Variants in FOXP3 observed in about 807,000 individuals in gnomAD.
FOXP3 encodes forkhead box P3.
In FOXP3, 5 loss-of-function variants were observed where a neutral mutation model predicts 31.2. The observed-to-expected ratio is 0.16, with a 90% CI of 0.08 to 0.34. The LOEUF is 0.34. FOXP3 is among the 10% of genes least tolerant of loss of function. The pLI is 1.00. For synonymous variants in FOXP3, 141 were observed against 148.8 expected, an observed-to-expected ratio of 0.95 and a Z score of 0.38; for missense variants, 251 against 363.0, an observed-to-expected ratio of 0.69 and a Z score of 2.51.
chrX:49,251,372 T>C lies in FOXP3; in HGVS notation c.1258A>G (p.Arg420Gly). Residue 420 changes from arginine to glycine, a missense_variant, in exon 12 of 12, where the codon AGG (arginine) becomes GGG (glycine). Transcript: ENST00000376207. ...ELEFRKKRSQ[R>G]PSRCSNPTPG... Reference sequence around the variant, plus strand: ...GTAGGGTTGGAACACCTGCTGGGCCTCTGGCTCCGTTTCTTGCGGAACTCC... The same window carrying C: ...GTAGGGTTGGAACACCTGCTGGGCCCCTGGCTCCGTTTCTTGCGGAACTCC... 2.5e-6 allele frequency: 3 copies of C among 1,211,139 alleles called. No individual in the cohort carries two copies. The highest frequency in any genetic ancestry group is 3.4e-6 in the Non-Finnish European group (3 of 895,170).
intron 1 of FOXP3, among the ~76,000 whole-genome samples, chrX:49,263,741 G>T (rs1557117465): frequency 8.9e-6 from 1 of 111,900 alleles, no homozygotes; most frequent in African/African-American, 3.3e-5. Flanking sequence ...GCTCACCCCA[G>T]CCCTGAACAA....
At position 49,255,438 on chromosome X, in the gene FOXP3, A is replaced by G; in HGVS notation, c.807T>C (p.Ala269=). ...HLAGKMALTK[A]SSVASSDKGS... ...TCCTGGGGTCGCTCACCACAGATGA[A>G]GCCTTGGTCAGTGCCATTTTCCCAG... The change falls in exon 8 of 12, where the codon GCT becomes GCC. Residue 269 remains alanine (A), a synonymous_variant. Coordinates refer to ENST00000376207, the MANE Select transcript of FOXP3 (RefSeq NM_014009.4). 8.3e-7 allele frequency: 1 copy of G among 1,203,358 alleles called. No individual in the cohort carries two copies. The highest frequency in any genetic ancestry group is 1.1e-6 in the Non-Finnish European group (1 of 891,052).
chrX:49,255,002 G>A (rs1557116070), intron 8 of FOXP3, among the ~76,000 whole-genome samples: 1 of 105,209 alleles, frequency 9.5e-6, no homozygotes, highest in Non-Finnish European at 1.9e-5. Context: ...AGGCTGGAGT[G>A]CAGTGGTATG....
chrX:49,261,866 C>T (rs931019691), intron 1 of FOXP3, among the ~76,000 whole-genome samples: 2 of 112,001 alleles, frequency 1.8e-5, no homozygotes, highest in Non-Finnish European at 3.8e-5. Flanking sequence ...CGCTGCATTT[C>T]GGTGAGGCCC....
chrX:49,253,150 G>A lies in FOXP3; in HGVS notation c.1020C>T (p.Phe340=). The A allele has an allele frequency of 8.3e-7, 1 of 1,210,132 alleles. No homozygotes were observed. The highest frequency in any genetic ancestry group is 1.1e-6 in the Non-Finnish European group (1 of 894,698). Residue 340 remains phenylalanine (F), a synonymous_variant, in exon 10 of 12, where the codon TTC becomes TTT. Transcript: ENST00000376207. ...CCCAGCGGATGAGCGTGGCGTAGGT[G>A]AAAGGGGGTCGCATGTTGTGGAACT... ...YFKFHNMRPP[F]TYATLIRWAI...
chrX:49,256,436 A>G (rs1278941192), intron 6 of FOXP3, among the ~76,000 whole-genome samples: 3 of 110,729 alleles, frequency 2.7e-5, no homozygotes, highest in African/African-American at 9.9e-5. Flanking sequence ...CAGCTCTGTC[A>G]CTCAGGAACT....
intron 9 of FOXP3, 92 bp from the exon 10 acceptor site, chrX:49,253,294 A>C: frequency 5.4e-6 from 4 of 738,289 alleles, no homozygotes; most frequent in Non-Finnish European, 8.3e-6. Context: ...TACAGGCCTG[A>C]GATCTCACCG....
chrX:49,251,834 C>G (rs2066034677), intron 10 of FOXP3, 69 bp from the exon 11 acceptor site: 3 of 1,172,511 alleles, frequency 2.6e-6, no homozygotes, highest in Non-Finnish European at 3.4e-6. Context: ...TATGACCTAC[C>G]CCGAGCCATC....
chrX:49,255,805 A>G lies in FOXP3; in HGVS notation c.648-3T>C. 8.4e-7 allele frequency: 1 copy of G among 1,197,282 alleles called. No homozygotes were observed. The highest frequency in any genetic ancestry group is 1.7e-5 in the African/African-American group (1 of 57,462). ...GAAGATGGTCCGCCTGGCAGTGCCTAAGTAGGGAGAAGATTCCATGCAGGT... is the reference window on the plus strand; with the variant it reads ...GAAGATGGTCCGCCTGGCAGTGCCTGAGTAGGGAGAAGATTCCATGCAGGT... On this transcript the variant is annotated splice_region_variant and splice_polypyrimidine_tract_variant and intron_variant, in intron 6 of 11. Coordinates refer to ENST00000376207, the MANE Select transcript of FOXP3 (RefSeq NM_014009.4).
intron 6 of FOXP3, among the ~76,000 whole-genome samples, 185 bp downstream of exon 6, chrX:49,256,566 A>G (rs782363918): frequency 8.9e-6 from 1 of 112,510 alleles, no homozygotes; most frequent in South Asian, 3.7e-4. Context: ...GGTCGAGAGA[A>G]GCTAAGTAAT....
intron 10 of FOXP3, among the ~76,000 whole-genome samples, chrX:49,252,817 C>T (rs1408605905): frequency 9.1e-6 from 1 of 109,571 alleles, no homozygotes; most frequent in African/African-American, 3.3e-5. Flanking sequence ...TAGCTTTAGG[C>T]TATTTTATGG....
chrX:49,251,962 GATGGGT>G (rs1263585455), intron 10 of FOXP3, 197 bp from the exon 11 acceptor site: 31 of 720,716 alleles, frequency 4.3e-5, no homozygotes, highest in Non-Finnish European at 4.9e-5. Flanking sequence ...GGCAGGGTTA[GATGGGT>G]GTGGGTATGG....
At chrX:49,257,593 A>G in intron 3 of FOXP3, 28 bp from the exon 4 acceptor site, 1 of 1,196,624 alleles carries the variant, frequency 8.4e-7, no homozygotes, top group Non-Finnish European at 1.1e-6. Flanking sequence ...GCTGTGGTTC[A>G]GCCTGACTCG....
In FOXP3 at chrX:49,256,808, C is replaced by A; in HGVS notation, c.590G>T (p.Gly197Val). The change falls in exon 6 of 12, where the codon GGT becomes GTT. Residue 197 changes from glycine to valine, a missense_variant. Coordinates refer to ENST00000376207, the MANE Select transcript of FOXP3 (RefSeq NM_014009.4). ...CTCACATCCGGGCCACTTGCAGACA[C>A]CATTTGCCAGCAGTGGGTAGGAGCT... ...PQSSYPLLAN[G>V]VCKWPGCEKV... 8.2e-7 allele frequency: 1 copy of A among 1,212,241 alleles called. No homozygotes were observed. Among genetic ancestry groups the A allele is most frequent in the Non-Finnish European group, 1.1e-6 (1 of 895,602 alleles).
chrX:49,259,444 TGGGGCCTGTAGAAG>T (rs2066097073), intron 1 of FOXP3, among the ~76,000 whole-genome samples: 1 of 110,110 alleles, frequency 9.1e-6, no homozygotes, highest in Non-Finnish European at 1.9e-5. Context: ...TCTCTTGAGC[TGGGGCCTGTAGAAG>T]CTTCTCTACC....
chrX:49,253,560 G>A (rs1370631759), intron 9 of FOXP3, among the ~76,000 whole-genome samples: 4 of 112,177 alleles, frequency 3.6e-5, no homozygotes, highest in East Asian at 5.6e-4. Flanking sequence ...AATCCACCCC[G>A]ATTTTCCTTG....
At chrX:49,258,611 T>C (rs1348388596) in intron 1 of FOXP3, 84 bp from the exon 2 acceptor site, 2 of 817,714 alleles carry the variant, frequency 2.4e-6, no homozygotes, top group South Asian at 2.9e-5. Flanking sequence ...TGGACACTCC[T>C]CTGGTCAAAG....
chrX:49,251,875 A>G, intron 10 of FOXP3, 110 bp from the exon 11 acceptor site: 1 of 1,149,193 alleles, frequency 8.7e-7, no homozygotes, highest in South Asian at 2.0e-5. Context: ...AGGGGCAGGT[A>G]ATCAGGGACA....
intron 9 of FOXP3, 26 bp downstream of exon 9, chrX:49,253,891 C>A (rs2066050028): frequency 8.3e-7 from 1 of 1,208,840 alleles, no homozygotes; most frequent in South Asian, 1.8e-5. Flanking sequence ...CTTGGGGGCA[C>A]CGTGTAGTGC....
Sources: allele counts gnomAD v4.1 joint callset (sites outside exome capture counted in the v4.1 genomes callset), GRCh38; gene constraint gnomAD v4.1.1; transcripts MANE v1.5; gene names NCBI Gene and HGNC (gene_info 2026-07-23, HGNC 2026-07-21).